The following PLCH2 variants were observed in gnomAD, a reference collection of about 807,000 sequenced individuals.
The protein encoded by PLCH2 is 1-phosphatidylinositol 4,5-bisphosphate phosphodiesterase eta-2.
Under a neutral mutation model 134.7 loss-of-function variants are expected in PLCH2, and 98 were observed. That is an observed-to-expected ratio of 0.73 (90% CI 0.62 to 0.86). The LOEUF is 0.86. Among genes scored for constraint, PLCH2 ranks in the 40% least tolerant of loss-of-function variants. PLCH2 has a pLI of 0.00. For missense variants in PLCH2, 1,994 were observed against 1,986.6 expected (o/e 1.00, Z -0.07); for synonymous variants, 974 against 827.5 (o/e 1.18, Z -3.04).
chr1:2,505,023 G>A lies in PLCH2; in HGVS notation c.4061G>A (p.Arg1354His), dbSNP rs562485430. Residue 1354 changes from arginine to histidine, a missense_variant, in exon 22 of 22, where the codon CGC (arginine) becomes CAC (histidine). This residue lies in a region of PLCH2 where 900 missense variants were observed against 752.3 expected (regional missense o/e 1.20). Transcript: ENST00000378486. Reference sequence around the variant, plus strand: ...GTGCGTGCCATTGCCAGCCGGGCCCGCCAGGCCCAGGAGCGGCAGCAGAGA... The same window carrying A: ...GTGCGTGCCATTGCCAGCCGGGCCCACCAGGCCCAGGAGCGGCAGCAGAGA... ...SRVRAIASRA[R>H]QAQERQQRLQ... 7.9e-5 allele frequency: 122 copies of A among 1,543,708 alleles called. No individual in the cohort carries two copies. The highest frequency in any genetic ancestry group is 9.6e-5 in the Non-Finnish European group (111 of 1,151,240).
intron 4 of PLCH2, among the ~76,000 whole-genome samples, chr1:2,481,051 C>T (rs901474800): frequency 8.5e-5 from 13 of 152,310 alleles, no homozygotes; most frequent in South Asian, 4.1e-4. Flanking sequence ...CATAAATACA[C>T]GCACACACGT....
intron 2 of PLCH2, among the ~76,000 whole-genome samples, chr1:2,434,036 G>A (rs112659432): frequency 6.6e-6 from 1 of 152,266 alleles, no homozygotes; most frequent in Non-Finnish European, 1.5e-5. Context: ...ATCGCAGGAG[G>A]TTCCTTCACA....
chr1:2,498,632 G>A lies in PLCH2; in HGVS notation c.2334G>A (p.Leu778=). Residue 778 remains leucine (L), a synonymous_variant, in exon 17 of 22, where the codon CTG becomes CTA. Coordinates refer to ENST00000378486, the MANE Select transcript of PLCH2 (RefSeq NM_014638.4). This position sits in a 1 kb window ranked among gnomAD's most constrained non-coding sequence, Gnocchi z 5.4. ...TTCCCAAGCCGCGCGACTCCATGCT[G>A]GGGGACCGTGGGGAGGTGGGGGCCA... The part of the protein sequence containing the change: ...QQLPKPRDSM[L]GDRGEIIDPF... 3 of 1,571,278 alleles carry A rather than the reference G, an allele frequency of 1.9e-6. No homozygotes were observed. Among genetic ancestry groups the A allele is most frequent in the Non-Finnish European group, 2.6e-6 (3 of 1,159,736 alleles).
rs185441275 is a variant in PLCH2, at chr1:2,428,805, C to T, written c.-177-1533C>T. The stretch of plus-strand genomic sequence containing the variant: ...CTCATTCCAGCCGCCTCGGGGAACC[C>T]GGGCTGGGAGACCCCATGCCTGGGG... On this transcript the variant is annotated intron_variant, in intron 1 of 3. Transcript: ENST00000609981. Among the ~76,000 whole-genome samples, 321 of 152,350 alleles carry T rather than the reference C, an allele frequency of 2.1e-3. 8 individuals carry two copies. Among genetic ancestry groups the T allele is most frequent in the Admixed American group, 0.019 (292 of 15,310 alleles).
At chr1:2,473,045 T>C (rs896589243), upstream of PLCH2, among the ~76,000 whole-genome samples, 2 of 152,134 alleles carry the variant, frequency 1.3e-5, no homozygotes, top group Non-Finnish European at 2.9e-5. Context: ...GCGAGGCCCA[T>C]GCTGCCTGCT....
intron 2 of PLCH2, among the ~76,000 whole-genome samples, chr1:2,450,357 C>T (rs1157632213): frequency 6.6e-6 from 1 of 152,082 alleles, no homozygotes; most frequent in Non-Finnish European, 1.5e-5. Context: ...ACGTGCCCCA[C>T]TTTTCAGAGC....
intron 11 of PLCH2, 131 bp downstream of exon 11, chr1:2,491,466 G>A: frequency 1.1e-6 from 1 of 934,552 alleles, no homozygotes; most frequent in Non-Finnish European, 1.6e-6. Context: ...CTGCACACAA[G>A]CATACCTCTG....
At chr1:2,478,020 A>G (rs1000597004) in intron 1 of PLCH2, among the ~76,000 whole-genome samples, 1 of 152,310 alleles carries the variant, frequency 6.6e-6, no homozygotes, top group African/African-American at 2.4e-5. Context: ...CAGCCAGCCC[A>G]GCCACCTCAT....
intron 2 of PLCH2, among the ~76,000 whole-genome samples, chr1:2,442,487 A>G (rs554780337): frequency 6.2e-4 from 94 of 152,306 alleles, no homozygotes; most frequent in African/African-American, 2.2e-3. Flanking sequence ...CTCGGGCCTC[A>G]TCTCAGACTC....
At chr1:2,490,622 C>T (rs1642522855) in intron 10 of PLCH2, among the ~76,000 whole-genome samples, 1 of 152,236 alleles carries the variant, frequency 6.6e-6, no homozygotes, top group African/African-American at 2.4e-5. Context: ...TTAGAAACTC[C>T]TGAGGCAGCA....
intron 2 of PLCH2, among the ~76,000 whole-genome samples, chr1:2,456,582 C>T (rs763458396): frequency 7.9e-5 from 12 of 152,234 alleles, no homozygotes; most frequent in East Asian, 1.9e-4. Flanking sequence ...CCGGCAGACC[C>T]GTCGACCCCT....
At chr1:2,437,586 C>T (rs1161691959) in intron 2 of PLCH2, among the ~76,000 whole-genome samples, 3 of 152,146 alleles carry the variant, frequency 2.0e-5, no homozygotes, top group African/African-American at 7.2e-5. Flanking sequence ...GCAGCCTCCA[C>T]CCCTTCAGAA....
chr1:2,470,561 C>T (rs933715003), intron 1 of PLCH2, among the ~76,000 whole-genome samples: 21 of 152,216 alleles, frequency 1.4e-4, no homozygotes, highest in African/African-American at 4.1e-4. Flanking sequence ...AGAGCAGCCC[C>T]GTGCCGGGAC....
chr1:2,450,093 C>T (rs547163258), intron 2 of PLCH2, among the ~76,000 whole-genome samples: 1 of 152,352 alleles, frequency 6.6e-6, no homozygotes, highest in Admixed American at 6.5e-5. Flanking sequence ...CCCCTCCCAG[C>T]TGGGCCCGTC....
intron 21 of PLCH2, chr1:2,503,691 G>C (rs1468514622): frequency 1.5e-6 from 1 of 652,958 alleles, no homozygotes; most frequent in East Asian, 2.7e-5. Context: ...GCCCAAGGAG[G>C]GCCCCGTGTG....
chr1:2,487,255 G>A lies in PLCH2; in HGVS notation c.993G>A (p.Pro331=), dbSNP rs371798111. The A allele has an allele frequency of 7.6e-5, 122 of 1,612,354 alleles. No individual in the cohort carries two copies. The highest frequency in any genetic ancestry group is 8.3e-5 in the Non-Finnish European group (98 of 1,179,378). ...HHHVHQDMTQ[P]LSHYFITSSH... ...ATGTGCACCAGGACATGACGCAGCC[G>A]CTGAGCCACTACTTCATCACCTCGT... Residue 331 remains proline, a synonymous_variant, in exon 7 of 22, where the codon CCG becomes CCA. Transcript: ENST00000378486.
chr1:2,468,862 GC>G (rs2100612130), intron 1 of PLCH2, among the ~76,000 whole-genome samples: 1 of 152,300 alleles, frequency 6.6e-6, no homozygotes, highest in East Asian at 1.9e-4. Flanking sequence ...AGCATGGGGC[GC>G]TTTCACAGGG....
At chr1:2,502,669 C>T (rs1054876058) in intron 21 of PLCH2, 16 of 693,516 alleles carry the variant, frequency 2.3e-5, no homozygotes, top group Non-Finnish European at 3.2e-5. Context: ...TGGACCCTCA[C>T]GCTATCCCGG....
At position 2,502,215 on chromosome 1, in the gene PLCH2, G is replaced by C. The variant is rs1240722692; in HGVS notation, c.2765G>C (p.Ser922Thr). Reference protein sequence around the residue: ...AGRPPARPSVSQRILRRTASA... With the variant: ...AGRPPARPSVTQRILRRTASA... ...CGGCCCCCGGCCCGGCCCTCCGTTA[G>C]CCAGCGGATCCTGCGGCGCACGGCC... The change falls in exon 21 of 22, where the codon AGC (serine) becomes ACC (threonine). Residue 922 changes from serine (S) to threonine (T), a missense_variant. Coordinates refer to ENST00000378486, the MANE Select transcript of PLCH2 (RefSeq NM_014638.4). The C allele has an allele frequency of 5.2e-6, 8 of 1,540,442 alleles. No individual in the cohort carries two copies. In the South Asian group the frequency reaches 9.6e-5, roughly 18 times the overall value.
Sources: allele counts gnomAD v4.1 joint callset (sites outside exome capture counted in the v4.1 genomes callset), GRCh38; gene constraint gnomAD v4.1.1; regional missense constraint gnomAD v4.1.1; non-coding constraint Gnocchi (gnomAD v3.1); transcripts MANE v1.5; gene names NCBI Gene and HGNC (gene_info 2026-07-23, HGNC 2026-07-21).